FBXL17: variants seen among roughly 807,000 people sequenced by gnomAD.
The protein encoded by FBXL17 is F-box and leucine rich repeat protein 17, also known as F-box/LRR-repeat protein 17.
A neutral mutation model predicts 66.2 loss-of-function variants in FBXL17; 22 were observed. The ratio of observed to expected loss-of-function variants is 0.33; its 90% CI spans 0.24 to 0.47. FBXL17 has a LOEUF of 0.47. Among genes scored for constraint, FBXL17 ranks in the 20% least tolerant of loss-of-function variants. FBXL17 has a pLI of 1.00. For synonymous variants in FBXL17, 474 were observed against 400.5 expected (o/e 1.18, Z -2.19); for missense variants, 878 against 948.2 (o/e 0.93, Z 0.97).
rs545969335 is a variant in FBXL17, at chr5:108,077,507, C to A, written c.1746-56506G>T. Among the ~76,000 whole-genome samples, 430 of 151,670 alleles carry A rather than the reference C, an allele frequency of 2.8e-3. 2 individuals are homozygous for A. Among genetic ancestry groups the A allele is most frequent in the Middle Eastern group, 0.01 (3 of 294 alleles). On this transcript the variant is annotated intron_variant, in intron 6 of 8. Transcript: ENST00000542267. ...ATGAAACCCCATCTCTACAAAAAAT[C>A]AAAAAATTAACCAGATGTGGTAGCA...
chr5:108,222,354 C>T (rs1479319506), intron 5 of FBXL17, among the ~76,000 whole-genome samples: 1 of 152,162 alleles, frequency 6.6e-6, no homozygotes, highest in East Asian at 1.9e-4. Context: ...ACAACATAAA[C>T]AGCATTAGGT....
intron 6 of FBXL17, among the ~76,000 whole-genome samples, chr5:108,128,914 C>G (rs527973260): frequency 6.6e-6 from 1 of 152,172 alleles, no homozygotes; most frequent in East Asian, 1.9e-4. Flanking sequence ...CGAGCCCAAC[C>G]AAGCTCAATT....
At chr5:107,881,479 T>C (rs1490201692) in intron 7 of FBXL17, among the ~76,000 whole-genome samples, 4 of 152,182 alleles carry the variant, frequency 2.6e-5, no homozygotes, top group Admixed American at 2.0e-4. Flanking sequence ...AGGAATAAAT[T>C]AAAATGTATT....
At chr5:108,247,748 C>G (rs927141491) in intron 4 of FBXL17, among the ~76,000 whole-genome samples, 13 of 151,884 alleles carry the variant, frequency 8.6e-5, no homozygotes, top group Non-Finnish European at 8.8e-5. Flanking sequence ...TTCAGAGTAC[C>G]CAGGGCTTTT....
intron 8 of FBXL17, among the ~76,000 whole-genome samples, chr5:107,867,322 GT>G (rs1748305122): frequency 6.6e-6 from 1 of 152,210 alleles, no homozygotes; most frequent in Admixed American, 6.5e-5. Context: ...AGTTTAACAA[GT>G]TTTGCTGGGT....
At chr5:107,962,915 C>T (rs12521275) in intron 7 of FBXL17, among the ~76,000 whole-genome samples, 34,802 of 151,914 alleles carry the variant, frequency 0.23, 4,445 homozygotes, top group Non-Finnish European at 0.29. Context: ...TTATACAATG[C>T]ATACCACCCA....
chr5:108,069,336 C>T (rs1406271916), intron 6 of FBXL17, among the ~76,000 whole-genome samples: 1 of 152,170 alleles, frequency 6.6e-6, no homozygotes, highest in African/African-American at 2.4e-5. Flanking sequence ...TATGGCGAGG[C>T]TACTCTAGAA....
At chr5:107,940,597 A>G (rs1751058856) in intron 7 of FBXL17, among the ~76,000 whole-genome samples, 1 of 152,126 alleles carries the variant, frequency 6.6e-6, no homozygotes, top group Admixed American at 6.6e-5. Flanking sequence ...AGGACTGCCT[A>G]TTAGAGAAAA....
intron 8 of FBXL17, among the ~76,000 whole-genome samples, chr5:107,871,463 A>G (rs1748450354): frequency 6.6e-6 from 1 of 152,222 alleles, no homozygotes; most frequent in Admixed American, 6.5e-5. Flanking sequence ...AGACTGTCAG[A>G]GAGAAAAATT....
At chr5:107,888,003 T>C (rs1749031164) in intron 7 of FBXL17, among the ~76,000 whole-genome samples, 1 of 152,344 alleles carries the variant, frequency 6.6e-6, no homozygotes, top group Non-Finnish European at 1.5e-5. Flanking sequence ...ACTTTGTATA[T>C]AATCCAATAC....
At chr5:107,912,705 G>A (rs1749992430) in intron 7 of FBXL17, among the ~76,000 whole-genome samples, 1 of 152,128 alleles carries the variant, frequency 6.6e-6, no homozygotes, top group Non-Finnish European at 1.5e-5. Context: ...AGAGAAGAGA[G>A]GATTAGGAGG....
At chr5:108,333,667 C>T (rs934391678) in intron 4 of FBXL17, among the ~76,000 whole-genome samples, 1 of 151,888 alleles carries the variant, frequency 6.6e-6, no homozygotes, top group Non-Finnish European at 1.5e-5. Context: ...AGGAAGCTAA[C>T]AAAAGACAAA....
intron 7 of FBXL17, among the ~76,000 whole-genome samples, chr5:107,917,615 G>T (rs1369567336): frequency 6.6e-6 from 1 of 152,166 alleles, no homozygotes; most frequent in Admixed American, 6.5e-5. Flanking sequence ...TATTTAGTCT[G>T]TAAACACCTG....
intron 5 of FBXL17, among the ~76,000 whole-genome samples, chr5:108,202,925 C>G (rs114120549): frequency 6.6e-6 from 1 of 151,816 alleles, no homozygotes; most frequent in Non-Finnish European, 1.5e-5. Context: ...TTACACAGTG[C>G]GTTTAACTTA....
At chr5:108,233,182 T>A (rs559733287) in intron 4 of FBXL17, among the ~76,000 whole-genome samples, 1 of 115,070 alleles carries the variant, frequency 8.7e-6, no homozygotes, top group Admixed American at 9.4e-5. Context: ...TTCACAATTG[T>A]TTTTTTTGCA....
intron 6 of FBXL17, among the ~76,000 whole-genome samples, chr5:108,109,944 G>A (rs924159499): frequency 6.6e-6 from 1 of 152,132 alleles, no homozygotes; most frequent in Non-Finnish European, 1.5e-5. Flanking sequence ...ATTAAAATCA[G>A]AGAAAGAATT....
At chr5:108,206,532 T>C (rs1754126070) in intron 5 of FBXL17, among the ~76,000 whole-genome samples, 1 of 152,200 alleles carries the variant, frequency 6.6e-6, no homozygotes, top group East Asian at 1.9e-4. Context: ...TCCTTCCTTT[T>C]TGTTCCTCTC....
chr5:107,861,510 C>G lies in FBXL17; in HGVS notation c.*210G>C. The G allele has an allele frequency of 2.6e-6, 1 of 390,604 alleles. No individual in the cohort carries two copies. The highest frequency in any genetic ancestry group is 4.4e-6 in the Non-Finnish European group (1 of 228,628). The allele number at this position is 390,604 out of a possible 1,614,324, so 24.2% of individuals were successfully genotyped here. A position where few individuals can be genotyped will look rare whatever the true frequency, so the allele number is the denominator to read the frequency against. On this transcript the variant is annotated 3_prime_UTR_variant, in exon 9 of 9. Transcript: ENST00000542267. ...CTAAAAAGTTTGTGGCTTTCATAATCTTTAATTTCTAAGAAAAAAAGCCAG... is the reference window on the plus strand; with the variant it reads ...CTAAAAAGTTTGTGGCTTTCATAATGTTTAATTTCTAAGAAAAAAAGCCAG...
intron 6 of FBXL17, among the ~76,000 whole-genome samples, chr5:108,160,464 GAAA>G (rs1183790745): frequency 6.6e-6 from 1 of 152,158 alleles, no homozygotes; most frequent in African/African-American, 2.4e-5. Context: ...AGAAGAAGAA[GAAA>G]GTTCTCAGTT....
Sources: allele counts gnomAD v4.1 joint callset (sites outside exome capture counted in the v4.1 genomes callset), GRCh38; gene constraint gnomAD v4.1.1; transcripts MANE v1.5; gene names NCBI Gene and HGNC (gene_info 2026-07-23, HGNC 2026-07-21).